Variants in FARS2 observed in about 807,000 individuals in gnomAD.
FARS2 encodes the protein phenylalanine--tRNA ligase, mitochondrial.
A neutral mutation model predicts 46.4 loss-of-function variants in FARS2; 40 were observed. That is an observed-to-expected ratio of 0.86 (90% confidence interval 0.67 to 1.12). The LOEUF (loss-of-function observed/expected upper bound fraction) is 1.12. Among genes scored for constraint, FARS2 ranks in the 50% most tolerant of loss-of-function variants. The pLI is 0.00. For synonymous variants in FARS2, 234 were observed against 214.9 expected, an observed-to-expected ratio of 1.09 and a Z score of -0.78; for missense variants, 513 against 567.9, an observed-to-expected ratio of 0.90 and a Z score of 0.98.
intron 4 of FARS2, chr6:5,466,987 G>C: frequency 1.0e-6 from 1 of 985,310 alleles, no homozygotes; most frequent in Non-Finnish European, 1.2e-6. Context: ...TCTTCAGTTC[G>C]TGCAACAGAT....
intron 4 of FARS2, among the ~76,000 whole-genome samples, chr6:5,455,949 G>C (rs1764827472): frequency 6.6e-6 from 1 of 152,174 alleles, no homozygotes; most frequent in Non-Finnish European, 1.5e-5. Context: ...GGGCGCGGTA[G>C]CTTATGCCTG....
At chr6:5,643,741 T>G (rs1049288503) in intron 6 of FARS2, among the ~76,000 whole-genome samples, 1 of 152,130 alleles carries the variant, frequency 6.6e-6, no homozygotes, top group Admixed American at 6.6e-5. Context: ...GTAAACTGCT[T>G]GATCCACAGT....
At chr6:5,468,522 A>G (rs1212285017) in intron 4 of FARS2, among the ~76,000 whole-genome samples, 1 of 152,224 alleles carries the variant, frequency 6.6e-6, no homozygotes, top group African/African-American at 2.4e-5. Context: ...ATAATATTAT[A>G]GAAAGAATAC....
At chr6:5,472,085 T>C (rs1050435445) in intron 4 of FARS2, among the ~76,000 whole-genome samples, 1 of 152,200 alleles carries the variant, frequency 6.6e-6, no homozygotes, top group Non-Finnish European at 1.5e-5. Context: ...TAAAGCATGC[T>C]CAGCCCCCTC....
chr6:5,554,574 T>C (rs924084372), intron 5 of FARS2, among the ~76,000 whole-genome samples: 3 of 152,336 alleles, frequency 2.0e-5, no homozygotes, highest in East Asian at 1.9e-4. Context: ...CACAGTTCAA[T>C]ACACTATTCA....
intron 1 of FARS2, among the ~76,000 whole-genome samples, chr6:5,323,814 G>A (rs190963243): frequency 6.6e-5 from 10 of 152,236 alleles, no homozygotes; most frequent in Non-Finnish European, 1.2e-4. Flanking sequence ...ATCAGAAACC[G>A]CCTAAATCCA....
intron 1 of FARS2, among the ~76,000 whole-genome samples, chr6:5,271,560 G>T (rs201177033): frequency 2.1e-4 from 23 of 108,668 alleles, no homozygotes; most frequent in African/African-American, 4.0e-4. Flanking sequence ...GACTATGTCT[G>T]TTTTTTTTTT....
At chr6:5,309,709 T>C (rs1768957612) in intron 1 of FARS2, among the ~76,000 whole-genome samples, 2 of 152,110 alleles carry the variant, frequency 1.3e-5, no homozygotes, top group South Asian at 4.1e-4. Flanking sequence ...AAGAGTTAAA[T>C]GGAAAAAGGA....
chr6:5,597,466 T>C (rs1256667355), intron 5 of FARS2, among the ~76,000 whole-genome samples: 2 of 152,202 alleles, frequency 1.3e-5, no homozygotes, highest in African/African-American at 4.8e-5. Context: ...GAAGCAGCCA[T>C]TGCAGGCAAG....
chr6:5,618,357 C>T (rs1285534168), intron 6 of FARS2, among the ~76,000 whole-genome samples: 1 of 152,160 alleles, frequency 6.6e-6, no homozygotes, highest in Non-Finnish European at 1.5e-5. Context: ...GACCTTGAAC[C>T]TTGACCTCAA....
At chr6:5,627,442 C>T (rs1276157651) in intron 6 of FARS2, among the ~76,000 whole-genome samples, 11 of 152,228 alleles carry the variant, frequency 7.2e-5, no homozygotes, top group Admixed American at 7.2e-4. Context: ...GACATTTACA[C>T]AGAATTTTAC....
At chr6:5,427,860 T>C (rs1385775346) in intron 3 of FARS2, among the ~76,000 whole-genome samples, 1 of 152,222 alleles carries the variant, frequency 6.6e-6, no homozygotes, top group Admixed American at 6.5e-5. Flanking sequence ...ACATATTTTA[T>C]CTTAAGAATT....
chr6:5,530,606 G>A (rs1467586454), intron 4 of FARS2, among the ~76,000 whole-genome samples: 6 of 149,866 alleles, frequency 4.0e-5, no homozygotes, highest in Non-Finnish European at 7.4e-5. Flanking sequence ...GGAGCATGAT[G>A]TATGTAACCT....
intron 6 of FARS2, among the ~76,000 whole-genome samples, chr6:5,731,681 G>A (rs1408166635): frequency 1.3e-5 from 2 of 152,176 alleles, no homozygotes; most frequent in East Asian, 1.9e-4. Flanking sequence ...CCTTTGCAGT[G>A]AAATTCCACC....
At chr6:5,438,536 G>A (rs1215767382) in intron 4 of FARS2, among the ~76,000 whole-genome samples, 1 of 151,220 alleles carries the variant, frequency 6.6e-6, no homozygotes, top group Non-Finnish European at 1.5e-5. Context: ...TTTGCATTTG[G>A]TTTTGTTTTA....
At chr6:5,264,724 A>G (rs1396572998) in intron 1 of FARS2, among the ~76,000 whole-genome samples, 1 of 151,940 alleles carries the variant, frequency 6.6e-6, no homozygotes, top group East Asian at 1.9e-4. Flanking sequence ...ACCATATATT[A>G]TATAAGATGA....
At chr6:5,768,085 T>A (rs529500791) in intron 6 of FARS2, among the ~76,000 whole-genome samples, 1 of 152,246 alleles carries the variant, frequency 6.6e-6, no homozygotes, top group South Asian at 2.1e-4. Context: ...CTTTCAGCTC[T>A]CCAACATGAA....
chr6:5,665,475 G>T (rs1778067469), intron 6 of FARS2: 1 of 152,180 alleles, frequency 6.6e-6, no homozygotes, highest in South Asian at 2.1e-4. Context: ...AGATTTGAGA[G>T]GAGACTGTCA....
Position 5,437,731 on chromosome 6 carries a change from G to A in FARS2, c.904+6559G>A, listed in dbSNP as rs1255888957. 2.0e-5 allele frequency among the ~76,000 whole-genome samples: 3 copies of A among 151,824 alleles called. No homozygotes were observed. The East Asian group carries it at 5.8e-4, about 29-fold the overall frequency. On this transcript the variant is annotated intron_variant, in intron 4 of 6. Transcript: ENST00000274680. ...TACATATATTACATCTACATACATT[G>A]AAAACCTCGTGATTCAATGTTACAC...
Sources: gnomAD v4.1 joint callset for allele counts (sites outside exome capture counted in the v4.1 genomes callset) on GRCh38, gnomAD v4.1.1 for gene constraint, MANE v1.5 for transcripts, NCBI Gene and HGNC (gene_info 2026-07-23, HGNC 2026-07-21) for gene names.